Variants in STARD13 observed in about 807,000 individuals in gnomAD.
STARD13 encodes StAR related lipid transfer domain containing 13.
A neutral mutation model predicts 106.4 loss-of-function variants in STARD13; 62 were observed. That is an observed-to-expected ratio of 0.58 (90% CI 0.48 to 0.72). The LOEUF is 0.72. Ranked by LOEUF, STARD13 falls within the 30% of genes least tolerant of loss-of-function variation. The probability of loss-of-function intolerance (pLI) is 0.00; values close to 1 mark genes in which losing one functional copy is unlikely to be tolerated. For missense variants in STARD13, 1,387 were observed against 1,424.0 expected, an observed-to-expected ratio of 0.97 and a Z score of 0.42; for synonymous variants, 565 against 553.0, an observed-to-expected ratio of 1.02 and a Z score of -0.31.
At chr13:33,493,059 C>T in the STARD13 span, among the ~76,000 whole-genome samples, 1 of 152,194 alleles carries the variant, frequency 6.6e-6, no homozygotes, top group Non-Finnish European at 1.5e-5. Flanking sequence ...AAGTATCCTC[C>T]TTCTGTCGAA....
At chr13:33,661,198 C>G in the STARD13 span, 1 of 152,136 alleles carries the variant, frequency 6.6e-6, no homozygotes, top group East Asian at 1.9e-4. Context: ...AGGGGCTGAA[C>G]TTGGTGATAT....
At chr13:33,549,788 A>AT in the STARD13 span, among the ~76,000 whole-genome samples, 5 of 151,816 alleles carry the variant, frequency 3.3e-5, no homozygotes, top group African/African-American at 9.7e-5. Flanking sequence ...GTCAGACATT[A>AT]TTTTTTTTCT....
chr13:33,460,625 A>G, the STARD13 span, among the ~76,000 whole-genome samples: 9 of 152,144 alleles, frequency 5.9e-5, no homozygotes, highest in Non-Finnish European at 1.3e-4. Context: ...AATAACTGAC[A>G]ACTCATTTCT....
At chr13:33,402,356 A>T in the STARD13 span, among the ~76,000 whole-genome samples, 2 of 152,380 alleles carry the variant, frequency 1.3e-5, no homozygotes, top group South Asian at 4.1e-4. Flanking sequence ...AGCACAGCAT[A>T]AAAATTTCAG....
chr13:33,178,716 G>A (rs939826017), intron 1 of STARD13, among the ~76,000 whole-genome samples: 8 of 152,256 alleles, frequency 5.3e-5, no homozygotes, highest in African/African-American at 1.7e-4. Context: ...TGTTTCACTT[G>A]TCTTTGACCT....
the STARD13 span, among the ~76,000 whole-genome samples, chr13:33,417,302 G>T: frequency 6.6e-6 from 1 of 152,226 alleles, no homozygotes; most frequent in African/African-American, 2.4e-5. Context: ...AGCCATTTTG[G>T]AAATAGTTTG....
At chr13:33,140,500 C>T (rs115737799) in intron 4 of STARD13, among the ~76,000 whole-genome samples, 2,941 of 152,290 alleles carry the variant, frequency 0.019, 81 homozygotes, top group African/African-American at 0.067. Context: ...GGACAAACTG[C>T]TCATGTTTTA....
the STARD13 span, among the ~76,000 whole-genome samples, chr13:33,672,695 G>A: frequency 6.6e-6 from 1 of 152,232 alleles, no homozygotes; most frequent in Middle Eastern, 3.4e-3. Flanking sequence ...TAAAGATACA[G>A]TGTTATAAAG....
chr13:33,464,037 A>ATATATATATATATATGTATATG, the STARD13 span, among the ~76,000 whole-genome samples: 8 of 140,980 alleles, frequency 5.7e-5, no homozygotes, highest in African/African-American at 2.0e-4. Context: ...ATATATATAT[A>ATATATATATATATATGTATATG]TATATGTATA....
intron 1 of STARD13, among the ~76,000 whole-genome samples, chr13:33,300,640 A>G (rs17718661): frequency 0.16 from 24,135 of 152,250 alleles, 2,569 homozygotes; most frequent in Non-Finnish European, 0.22. Context: ...AAATTCTCTT[A>G]GTATAACTCA....
the STARD13 span, among the ~76,000 whole-genome samples, chr13:33,499,593 T>TC: frequency 1.3e-3 from 84 of 63,426 alleles, 3 homozygotes; most frequent in African/African-American, 4.3e-3. Context: ...TTCTTCTTCT[T>TC]CTTCTTCTTC....
At chr13:33,427,167 G>T in the STARD13 span, among the ~76,000 whole-genome samples, 2 of 152,092 alleles carry the variant, frequency 1.3e-5, no homozygotes, top group African/African-American at 4.8e-5. Context: ...TAGGTGCGTT[G>T]TTATCCATAT....
chr13:33,182,101 C>T (rs1332578113), intron 1 of STARD13, among the ~76,000 whole-genome samples: 3 of 152,190 alleles, frequency 2.0e-5, no homozygotes, highest in African/African-American at 7.2e-5. Flanking sequence ...CATGCACACA[C>T]CACACATGTA....
chr13:33,258,942 T>C (rs1034651050), intron 1 of STARD13, among the ~76,000 whole-genome samples: 5 of 152,256 alleles, frequency 3.3e-5, no homozygotes, highest in Non-Finnish European at 7.3e-5. Flanking sequence ...AAACAACATC[T>C]TTCTGTTCTA....
intron 1 of STARD13, among the ~76,000 whole-genome samples, chr13:33,197,416 TTGTGTGTG>T (rs142681141): frequency 8.1e-5 from 12 of 148,134 alleles, no homozygotes; most frequent in African/African-American, 2.5e-4. Flanking sequence ...AGGAAGAGAG[TTGTGTGTG>T]TGTGTGTGTG....
At chr13:33,484,078 A>G in the STARD13 span, among the ~76,000 whole-genome samples, 23 of 152,344 alleles carry the variant, frequency 1.5e-4, no homozygotes, top group African/African-American at 5.1e-4. Flanking sequence ...AAGTTATAAC[A>G]GTGAGAAAAT....
At chr13:33,370,568 A>G in the STARD13 span, among the ~76,000 whole-genome samples, 1 of 148,244 alleles carries the variant, frequency 6.7e-6, no homozygotes, top group African/African-American at 2.5e-5. Context: ...TCTGAATGTC[A>G]CTCTGCTTTC....
chr13:33,593,176 ATTTTTAT>A, the STARD13 span, among the ~76,000 whole-genome samples: 3 of 151,972 alleles, frequency 2.0e-5, no homozygotes, highest in East Asian at 3.9e-4. Context: ...TTATTTATTT[ATTTTTAT>A]TTTTTATTTT....
chr13:33,647,983 G>A, the STARD13 span, among the ~76,000 whole-genome samples: 221 of 152,160 alleles, frequency 1.5e-3, 1 homozygote, highest in African/African-American at 4.5e-3. Context: ...ACAATGATAC[G>A]TGCTCTGTTC....
Sources: gnomAD v4.1 joint callset for allele counts (sites outside exome capture counted in the v4.1 genomes callset) on GRCh38, gnomAD v4.1.1 for gene constraint, MANE v1.5 for transcripts, NCBI Gene and HGNC (gene_info 2026-07-23, HGNC 2026-07-21) for gene names.